The following PTPRD variants were observed in gnomAD, a reference collection of about 807,000 sequenced individuals.
PTPRD encodes the protein protein tyrosine phosphatase receptor type D, also known as receptor-type tyrosine-protein phosphatase delta.
In PTPRD, 34 loss-of-function variants were observed where a neutral mutation model predicts 214.5. The ratio of observed to expected loss-of-function variants is 0.16; its 90% CI spans 0.12 to 0.21. The LOEUF is 0.21. PTPRD is among the 10% of genes least tolerant of loss of function. The pLI is 1.00. For missense variants in PTPRD, 2,545 were observed against 2,398.7 expected (o/e 1.06, Z -1.27); for synonymous variants, 1,128 against 845.7 (o/e 1.33, Z -5.79).
intron 3 of PTPRD, among the ~76,000 whole-genome samples, chr9:10,060,901 T>C (rs10958857): frequency 0.24 from 7,357 of 30,434 alleles, 254 homozygotes; most frequent in Non-Finnish European, 0.29. Flanking sequence ...TCCTTCCTTC[T>C]TTCTTTCTTT....
intron 9 of PTPRD, among the ~76,000 whole-genome samples, chr9:9,373,837 C>T: frequency 6.6e-6 from 1 of 151,984 alleles, no homozygotes; most frequent in East Asian, 1.9e-4. Context: ...CAGCCCAGCC[C>T]AGTGCTCTTT....
At chr9:9,550,287 C>A (rs1345050853) in intron 8 of PTPRD, among the ~76,000 whole-genome samples, 2 of 151,630 alleles carry the variant, frequency 1.3e-5, no homozygotes, top group Non-Finnish European at 2.9e-5. Context: ...AGATTTCAGA[C>A]TTGCCAGCTC....
chr9:9,055,320 A>G (rs2099694198), intron 10 of PTPRD, among the ~76,000 whole-genome samples: 1 of 152,184 alleles, frequency 6.6e-6, no homozygotes, highest in East Asian at 1.9e-4. Context: ...AAAAATGATA[A>G]CCATGTGAGG....
At chr9:9,540,845 G>A (rs776201938) in intron 8 of PTPRD, among the ~76,000 whole-genome samples, 1 of 151,690 alleles carries the variant, frequency 6.6e-6, no homozygotes, top group African/African-American at 2.4e-5. Flanking sequence ...TGAAATATAA[G>A]TAGTGACATT....
intron 11 of PTPRD, among the ~76,000 whole-genome samples, chr9:9,013,651 C>A (rs535028738): frequency 2.6e-5 from 4 of 152,160 alleles, no homozygotes; most frequent in South Asian, 4.1e-4. Flanking sequence ...ACTATAATGA[C>A]CAAGTGTATG....
chr9:9,658,554 G>A (rs2096564648), intron 7 of PTPRD, among the ~76,000 whole-genome samples: 1 of 152,050 alleles, frequency 6.6e-6, no homozygotes, highest in African/African-American at 2.4e-5. Context: ...AAGCAGCCTC[G>A]ATCTCTCCAA....
intron 8 of PTPRD, among the ~76,000 whole-genome samples, chr9:9,548,618 C>T (rs1020846625): frequency 2.6e-5 from 4 of 151,068 alleles, no homozygotes; most frequent in Non-Finnish European, 5.9e-5. Flanking sequence ...AGGCTGGTCT[C>T]AAAGAGATAC....
intron 7 of PTPRD, among the ~76,000 whole-genome samples, chr9:9,576,800 A>G (rs554056757): frequency 6.6e-6 from 1 of 152,282 alleles, no homozygotes; most frequent in South Asian, 2.1e-4. Flanking sequence ...GCGCAGAAAC[A>G]ATAATTTATT....
At chr9:10,530,395 C>T (rs12341749) in intron 2 of PTPRD, among the ~76,000 whole-genome samples, 2 of 151,948 alleles carry the variant, frequency 1.3e-5, no homozygotes, top group African/African-American at 2.4e-5. Flanking sequence ...AAACCCCATG[C>T]AAATGGAGTA....
chr9:9,636,628 T>C (rs1176036569), intron 7 of PTPRD, among the ~76,000 whole-genome samples: 1 of 152,226 alleles, frequency 6.6e-6, no homozygotes, highest in Non-Finnish European at 1.5e-5. Flanking sequence ...CTGGATATTT[T>C]GTGTTTGGGT....
chr9:9,536,081 G>C (rs1450068248), intron 8 of PTPRD, among the ~76,000 whole-genome samples: 3 of 152,008 alleles, frequency 2.0e-5, no homozygotes, highest in Non-Finnish European at 4.4e-5. Context: ...AACAGTATCT[G>C]TTACTGTTAC....
chr9:9,306,989 A>T (rs1040160470), intron 9 of PTPRD, among the ~76,000 whole-genome samples: 1 of 152,192 alleles, frequency 6.6e-6, no homozygotes, highest in Non-Finnish European at 1.5e-5. Flanking sequence ...TCAAAGAAAC[A>T]AAAAGTGCTG....
At chr9:8,625,839 GAT>G (rs1564805680) in intron 14 of PTPRD, among the ~76,000 whole-genome samples, 1 of 150,072 alleles carries the variant, frequency 6.7e-6, no homozygotes, top group Non-Finnish European at 1.5e-5. Flanking sequence ...GTCTTGAAAT[GAT>G]ATGACTATTC....
rs1041994771 is a variant in PTPRD, at chr9:8,317,222, C to T, written c.*652G>A. Reference sequence around the variant, plus strand: ...GATATTACAGATAACAGTTCTACAGCTTAAAAAAACCTACGATTTGGAAAT... The same window carrying T: ...GATATTACAGATAACAGTTCTACAGTTTAAAAAAACCTACGATTTGGAAAT... On this transcript the variant is annotated 3_prime_UTR_variant, in exon 46 of 46. Coordinates refer to ENST00000381196, the MANE Select transcript of PTPRD (RefSeq NM_002839.4). The T allele has an allele frequency of 6.5e-5, 15 of 230,794 alleles. No individual in the cohort carries two copies. The highest frequency in any genetic ancestry group is 1.2e-4 in the Non-Finnish European group (14 of 116,714). 14.3% of individuals were successfully genotyped at this position (230,794 alleles called of 1,614,324 possible).
chr9:10,488,629 G>A (rs560018261), intron 2 of PTPRD, among the ~76,000 whole-genome samples: 63 of 152,208 alleles, frequency 4.1e-4, no homozygotes, highest in African/African-American at 1.4e-3. Flanking sequence ...AAGTCTACTT[G>A]GTGATCTATT....
At chr9:8,900,976 AGTACAT>A (rs2098664013) in intron 11 of PTPRD, among the ~76,000 whole-genome samples, 1 of 152,208 alleles carries the variant, frequency 6.6e-6, no homozygotes, top group Admixed American at 6.5e-5. Context: ...AGTACAGGTA[AGTACAT>A]GATGATAGCA....
At chr9:10,406,631 C>T (rs141933113) in intron 2 of PTPRD, among the ~76,000 whole-genome samples, 3 of 151,448 alleles carry the variant, frequency 2.0e-5, no homozygotes, top group African/African-American at 7.3e-5. Context: ...GAGGTCTGCC[C>T]ATATACTGTA....
chr9:9,084,806 C>G (rs1038318515), intron 10 of PTPRD, among the ~76,000 whole-genome samples: 8 of 152,092 alleles, frequency 5.3e-5, no homozygotes, highest in African/African-American at 1.9e-4. Context: ...TTGTTTTGAT[C>G]TCTCATCAAA....
At chr9:10,386,184 CGAGTTTATATTTCT>C (rs2097911177) in intron 2 of PTPRD, among the ~76,000 whole-genome samples, 1 of 151,702 alleles carries the variant, frequency 6.6e-6, no homozygotes, top group Admixed American at 6.6e-5. Flanking sequence ...AGGTTTAGAG[CGAGTTTATATTTCT>C]GACTTATGGC....
Sources: gnomAD v4.1 joint callset for allele counts (sites outside exome capture counted in the v4.1 genomes callset) on GRCh38, gnomAD v4.1.1 for gene constraint, MANE v1.5 for transcripts, NCBI Gene and HGNC (gene_info 2026-07-23, HGNC 2026-07-21) for gene names.